FER1L5: variants seen among roughly 807,000 people sequenced by gnomAD.
FER1L5 encodes fer-1 like family member 5.
A neutral mutation model predicts 279.9 loss-of-function variants in FER1L5; 187 were observed. The ratio of observed to expected loss-of-function variants is 0.67; its 90% CI spans 0.59 to 0.75. The LOEUF (loss-of-function observed/expected upper bound fraction) is 0.75. FER1L5 is among the 30% of genes least tolerant of loss of function. The pLI, the probability that FER1L5 is intolerant of heterozygous loss-of-function variation, is 0.00. For synonymous variants in FER1L5, 921 were observed against 989.7 expected (o/e 0.93, Z 1.30); for missense variants, 2,091 against 2,594.4 (o/e 0.81, Z 4.21).
Position 96,699,954 on chromosome 2 carries a change from G to C in FER1L5, c.4804G>C (p.Asp1602His). 1 of 1,613,898 alleles carries C rather than the reference G, an allele frequency of 6.2e-7. No homozygotes were observed. The highest frequency in any genetic ancestry group is 2.2e-5 in the East Asian group (1 of 44,882). Residue 1602 changes from aspartate to histidine, a missense_variant, in exon 44 of 53, where the codon GAT becomes CAT. By Grantham distance (81) the Asp-to-His change is moderately conservative (BLOSUM62 -1). Transcript: ENST00000624922. The stretch of plus-strand genomic sequence containing the variant: ...CAGGTCAGGGCCCTTTAGATGGCGG[G>C]ATCAGATGCCCCCAAGCTACCTCCT... ...YCQSGPFRWR[D>H]QMPPSYLLER...
At chr2:96,671,290 G>A (rs1469426933) in intron 18 of FER1L5, among the ~76,000 whole-genome samples, 1 of 152,060 alleles carries the variant, frequency 6.6e-6, no homozygotes, top group African/African-American at 2.4e-5. Flanking sequence ...TGGACTGGAG[G>A]AGAGTAAGTT....
chr2:96,697,426 G>A, intron 37 of FER1L5, 100 bp from the exon 38 acceptor site: 2 of 1,338,538 alleles, frequency 1.5e-6, no homozygotes, highest in Non-Finnish European at 2.1e-6. Context: ...GCAAGGGCAA[G>A]GGCACCAGGG....
intron 31 of FER1L5, among the ~76,000 whole-genome samples, chr2:96,693,062 G>A (rs2077219637): frequency 6.6e-6 from 1 of 151,970 alleles, no homozygotes; most frequent in South Asian, 2.1e-4. Context: ...TGTAATCCCA[G>A]CTATTCGGGA....
intron 19 of FER1L5, among the ~76,000 whole-genome samples, chr2:96,673,755 C>A (rs1444922585): frequency 6.6e-6 from 1 of 152,182 alleles, no homozygotes; most frequent in African/African-American, 2.4e-5. Flanking sequence ...CAGCAGCATC[C>A]GCATCACCTG....
At chr2:96,688,288 T>A (rs528418401) in intron 24 of FER1L5, among the ~76,000 whole-genome samples, 1 of 152,292 alleles carries the variant, frequency 6.6e-6, no homozygotes, top group South Asian at 2.1e-4. Flanking sequence ...AGCTTTCTCC[T>A]AGTTCATCAA....
At chr2:96,654,713 C>G in intron 9 of FER1L5, 1 of 281,326 alleles carries the variant, frequency 3.6e-6, no homozygotes. Context: ...TCGTGGCTAA[C>G]ACAGTGAAAC....
At chr2:96,656,904 T>G (rs961721892) in intron 9 of FER1L5, among the ~76,000 whole-genome samples, 2 of 151,808 alleles carry the variant, frequency 1.3e-5, no homozygotes, top group African/African-American at 4.8e-5. Context: ...TAGATTAGTC[T>G]GAACCAATTT....
At chr2:96,683,816 C>T (rs763795255) in intron 19 of FER1L5, among the ~76,000 whole-genome samples, 30 of 152,202 alleles carry the variant, frequency 2.0e-4, no homozygotes, top group Non-Finnish European at 3.2e-4. Flanking sequence ...GGCAGCAGTG[C>T]GGTTCAGAAT....
chr2:96,690,588 G>A lies in FER1L5; in HGVS notation c.2742G>A (p.Lys914=). The A allele has an allele frequency of 6.4e-7, 1 of 1,551,486 alleles. No individual in the cohort carries two copies. Among genetic ancestry groups the A allele is most frequent in the South Asian group, 1.2e-5 (1 of 84,058 alleles). The change falls in exon 27 of 53, where the codon AAG becomes AAA. Residue 914 remains lysine, a splice_region_variant and synonymous_variant. Coordinates refer to ENST00000624922, the MANE Select transcript of FER1L5 (RefSeq NM_001293083.2). ...AGCTGAACCACGCAGTGGACAGTAA[G>A]GGTCAGTCGTTTGGTCAGGGTTGGG... The part of the protein sequence containing the change: ...VVELNHAVDS[K]GWEYGVGIPP...
At chr2:96,651,139 A>T (rs975441564) in intron 6 of FER1L5, among the ~76,000 whole-genome samples, 5 of 151,906 alleles carry the variant, frequency 3.3e-5, no homozygotes, top group Admixed American at 6.6e-5. Flanking sequence ...GCCCTTGATA[A>T]CTCAAGCCTG....
rs2077126574 is a variant in FER1L5, at chr2:96,691,162, C to T, written c.2744-28C>T. The stretch of plus-strand genomic sequence containing the variant: ...CTCCCAACCTGCGGGCACCTGAGGA[C>T]TCAGAGGCCATGGTCCACCCACCGC... On this transcript the variant is annotated intron_variant, in intron 27 of 52. Coordinates refer to ENST00000624922, the MANE Select transcript of FER1L5 (RefSeq NM_001293083.2). This position sits in a 1 kb window ranked among gnomAD's most constrained non-coding sequence, Gnocchi z 6.0. The T allele has an allele frequency of 3.9e-6, 6 of 1,531,722 alleles. No homozygotes were observed. In the East Asian group the frequency reaches 1.5e-4, roughly 38 times the overall value. 94.9% of individuals were successfully genotyped at this position (1,531,722 alleles called of 1,614,324 possible).
At chr2:96,697,887 C>G (rs1573964360) in intron 39 of FER1L5, 126 bp downstream of exon 39, 1 of 1,443,326 alleles carries the variant, frequency 6.9e-7, no homozygotes, top group East Asian at 2.5e-5. Flanking sequence ...AGAGACAGCT[C>G]CAGCTGCCAC....
intron 31 of FER1L5, 127 bp from the exon 32 acceptor site, chr2:96,693,379 G>A: frequency 2.2e-6 from 2 of 890,044 alleles, no homozygotes; most frequent in Non-Finnish European, 3.3e-6. Flanking sequence ...GGGCCTCTGG[G>A]AGGCCTCAGT....
chr2:96,703,340 C>CTTG lies in FER1L5; in HGVS notation c.5687_5689dup (p.Leu1896dup). The CTTG allele has an allele frequency of 6.2e-7, 1 of 1,609,210 alleles. No individual in the cohort carries two copies. Among genetic ancestry groups the CTTG allele is most frequent in the Non-Finnish European group, 8.5e-7 (1 of 1,177,640 alleles). On this transcript the variant is annotated inframe_insertion, in exon 50 of 53. Coordinates refer to ENST00000624922, the MANE Select transcript of FER1L5 (RefSeq NM_001293083.2). ...AGGTCCTCGATGGTGGCAAATGGCG[C>CTTG]TTGTCGGTAGGAGCTGGGGAGTGTC... is the stretch of plus-strand genomic sequence containing the variant.
rs2077372009 is a variant in FER1L5 at position 96,696,190 on chromosome 2, C to A, written c.4083+113C>A. 3 of 1,371,038 alleles carry A rather than the reference C, an allele frequency of 2.2e-6. No homozygotes were observed. The Admixed American group carries it at 5.9e-5, about 27-fold the overall frequency. 84.9% of individuals were successfully genotyped at this position (1,371,038 alleles called of 1,614,324 possible). A position where few individuals can be genotyped will look rare whatever the true frequency, so the allele number is the denominator to read the frequency against. The stretch of plus-strand genomic sequence containing the variant: ...TGGATACCCGTGCCCAACTGTGAGG[C>A]CCACCTCGCTCTGTAGGGTCCTCAG... On this transcript the variant is annotated intron_variant, in intron 37 of 52. Transcript: ENST00000624922.
At chr2:96,699,821 C>T in intron 43 of FER1L5, 101 bp downstream of exon 43, 1 of 1,575,524 alleles carries the variant, frequency 6.3e-7, no homozygotes, top group African/African-American at 1.4e-5. Flanking sequence ...GAACCAGGGC[C>T]CAGACCTGCC....
intron 19 of FER1L5, among the ~76,000 whole-genome samples, chr2:96,681,307 A>T (rs749963337): frequency 6.6e-6 from 1 of 152,134 alleles, no homozygotes; most frequent in African/African-American, 2.4e-5. Context: ...TGATCATGCC[A>T]CTGCATTGCA....
Position 96,668,785 on chromosome 2 carries a change from T to C in FER1L5, c.1175T>C (p.Val392Ala). 2 of 1,551,244 alleles carry C rather than the reference T, an allele frequency of 1.3e-6. No individual in the cohort carries two copies. Among genetic ancestry groups the C allele is most frequent in the South Asian group, 2.4e-5 (2 of 84,020 alleles). ...CTCTCCAGCTACATCAAGTTCAGAG[T>C]CTTGGACTGGTGAGCAACCTGGTGG... ...PCLSSYIKFRVLDCRKKDCPD... is the reference protein window; with the variant it reads ...PCLSSYIKFRALDCRKKDCPD... The change falls in exon 15 of 53, where the codon GTC (valine) becomes GCC (alanine). Residue 392 changes from valine (V) to alanine (A), a missense_variant. Physicochemically the swap from Val to Ala is moderately conservative, Grantham distance 64 (BLOSUM62 0). Coordinates refer to ENST00000624922, the MANE Select transcript of FER1L5 (RefSeq NM_001293083.2).
rs1271830606 is a variant in FER1L5, at chr2:96,686,007, C to T, written c.1963C>T (p.Arg655Cys). ...CCTGGACAGGAAGAGGTGGCAGCTC[C>T]GCAGCCTCCTCCTGCAGGAACTGGC... is the stretch of plus-strand genomic sequence containing the variant. ...TSLDRKRWQL[R>C]SLLLQELAQK... The change falls in exon 22 of 53, where the codon CGC becomes TGC. Residue 655 changes from arginine (R) to cysteine (C), a missense_variant. Transcript: ENST00000624922. 84 of 1,551,348 alleles carry T rather than the reference C, an allele frequency of 5.4e-5. No homozygotes were observed. The highest frequency in any genetic ancestry group is 6.8e-5 in the Non-Finnish European group (78 of 1,146,958).
Sources: allele counts gnomAD v4.1 joint callset (sites outside exome capture counted in the v4.1 genomes callset), GRCh38; gene constraint gnomAD v4.1.1; non-coding constraint Gnocchi (gnomAD v3.1); transcripts MANE v1.5; gene names NCBI Gene and HGNC (gene_info 2026-07-23, HGNC 2026-07-21).